Variants in AKR1C3 observed in about 807,000 individuals in gnomAD.
AKR1C3 encodes the protein aldo-keto reductase family 1 member C3.
AKR1C3 carries 48 observed loss-of-function variants against 43.6 expected under a neutral mutation model. The observed-to-expected ratio is 1.10, with a 90% CI of 0.87 to 1.40. The LOEUF is 1.40. AKR1C3 is among the 40% of genes most tolerant of loss of function. AKR1C3 has a pLI of 0.00. For synonymous variants in AKR1C3, 162 were observed against 139.6 expected (o/e 1.16, Z -1.13); for missense variants, 482 against 391.2 (o/e 1.23, Z -1.96).
intron 1 of AKR1C3, among the ~76,000 whole-genome samples, chr10:5,062,383 C>A (rs1554780326): frequency 6.6e-6 from 1 of 152,138 alleles, no homozygotes; most frequent in Non-Finnish European, 1.5e-5. Context: ...TATTTTCATT[C>A]CCTTGATGGT....
chr10:5,102,415 T>C, intron 6 of AKR1C3, 70 bp from the exon 7 acceptor site: 2 of 1,338,430 alleles, frequency 1.5e-6, no homozygotes, highest in Admixed American at 2.1e-5. Flanking sequence ...GATGCCTTAG[T>C]CTGTTTAGGG....
At chr10:5,055,752 G>T (rs1298468010) in intron 1 of AKR1C3, among the ~76,000 whole-genome samples, 1 of 152,176 alleles carries the variant, frequency 6.6e-6, no homozygotes, top group Non-Finnish European at 1.5e-5. Context: ...TTAAGGTTTT[G>T]AAGGCTGTTT....
chr10:5,100,717 A>G (rs1839327342), intron 5 of AKR1C3, among the ~76,000 whole-genome samples: 1 of 152,234 alleles, frequency 6.6e-6, no homozygotes, highest in African/African-American at 2.4e-5. Context: ...ATACAGTTCC[A>G]TCATATCCAA....
intron 1 of AKR1C3, among the ~76,000 whole-genome samples, chr10:5,087,932 G>T (rs1202317392): frequency 6.6e-6 from 1 of 151,824 alleles, no homozygotes; most frequent in Non-Finnish European, 1.5e-5. Flanking sequence ...TGAGTTTGAG[G>T]TCTTTCTATC....
At chr10:5,087,621 C>G (rs1395458102) in intron 1 of AKR1C3, among the ~76,000 whole-genome samples, 1 of 152,026 alleles carries the variant, frequency 6.6e-6, no homozygotes, top group Non-Finnish European at 1.5e-5. Context: ...AGTGACCCTG[C>G]CTCAGCCTCC....
At chr10:5,102,038 C>A in intron 5 of AKR1C3, 63 bp from the exon 6 acceptor site, 1 of 1,066,478 alleles carries the variant, frequency 9.4e-7, no homozygotes, top group Non-Finnish European at 1.4e-6. Context: ...TTACTTTCAT[C>A]TTTTCAATAT....
intron 1 of AKR1C3, among the ~76,000 whole-genome samples, chr10:5,056,602 G>C (rs1838266716): frequency 6.6e-6 from 1 of 152,156 alleles, no homozygotes; most frequent in Non-Finnish European, 1.5e-5. Flanking sequence ...AAGGAAAAGT[G>C]GTGGGATCCT....
chr10:5,057,830 G>C (rs1554779788), intron 1 of AKR1C3, among the ~76,000 whole-genome samples: 1 of 152,178 alleles, frequency 6.6e-6, no homozygotes, highest in Non-Finnish European at 1.5e-5. Context: ...CTCTCGGGCT[G>C]TAGCTAAAGC....
chr10:5,106,505 CTTTGGGAGGCTGAG>C (rs1398581430), intron 8 of AKR1C3, among the ~76,000 whole-genome samples: 2 of 152,058 alleles, frequency 1.3e-5, no homozygotes, highest in Non-Finnish European at 2.9e-5. Flanking sequence ...AATCCCAGCA[CTTTGGGAGGCTGAG>C]GTGGGCAGAT....
At chr10:5,081,396 T>G (rs1363440951) in intron 1 of AKR1C3, among the ~76,000 whole-genome samples, 4 of 152,224 alleles carry the variant, frequency 2.6e-5, no homozygotes, top group Admixed American at 2.6e-4. Context: ...GCCATTGACT[T>G]ATGTGGCCAA....
intron 5 of AKR1C3, among the ~76,000 whole-genome samples, chr10:5,100,908 A>G (rs1035488342): frequency 1.3e-5 from 2 of 151,992 alleles, no homozygotes; most frequent in African/African-American, 4.8e-5. Context: ...ATGTGGGTAT[A>G]TCTGCATAAA....
chr10:5,084,091 A>G (rs1489851825), intron 1 of AKR1C3, among the ~76,000 whole-genome samples: 6 of 152,064 alleles, frequency 3.9e-5, no homozygotes, highest in Non-Finnish European at 5.9e-5. Flanking sequence ...ATTAGGTCCC[A>G]TTTGTCAATT....
chr10:5,097,289 G>C, intron 2 of AKR1C3, 145 bp from the exon 3 acceptor site: 1 of 985,820 alleles, frequency 1.0e-6, no homozygotes, highest in Non-Finnish European at 1.5e-6. Flanking sequence ...CAGAGCCAAA[G>C]GAATCATGAG....
At chr10:5,083,401 A>G (rs1184208488) in intron 1 of AKR1C3, among the ~76,000 whole-genome samples, 2 of 152,218 alleles carry the variant, frequency 1.3e-5, no homozygotes, top group Non-Finnish European at 2.9e-5. Context: ...TAAAAAGGGC[A>G]TGAACTCATC....
At position 5,105,677 on chromosome 10, in the gene AKR1C3, G is replaced by A. The variant is rs141515798; in HGVS notation, c.929G>A (p.Ser310Asn). Residue 310 changes from serine to asparagine, a missense_variant and splice_region_variant, in exon 8 of 9, where the codon AGT (serine) becomes AAT (asparagine). Ser to Asn is a conservative substitution (Grantham distance 46). Coordinates refer to ENST00000380554, the MANE Select transcript of AKR1C3 (RefSeq NM_003739.6). ...AATCTCCACTATTTTAACAGTGATA[G>A]GTAAGTTTCCTTTGTAAATGGGTGA... ...DRNLHYFNSD[S>N]FASHPNYPYS... 1 of 1,610,680 alleles carries A rather than the reference G, an allele frequency of 6.2e-7. No homozygotes were observed.
intron 1 of AKR1C3, among the ~76,000 whole-genome samples, chr10:5,061,297 T>C (rs1554780216): frequency 6.6e-6 from 1 of 152,180 alleles, no homozygotes; most frequent in East Asian, 1.9e-4. Flanking sequence ...GACAGGTATA[T>C]ATCAGTGCAT....
intron 1 of AKR1C3, among the ~76,000 whole-genome samples, chr10:5,061,974 G>C (rs1305514800): frequency 6.6e-6 from 1 of 152,160 alleles, no homozygotes; most frequent in Non-Finnish European, 1.5e-5. Flanking sequence ...TTTGGAAACA[G>C]TGTTTGCAAA....
intron 4 of AKR1C3, 144 bp downstream of exon 4, chr10:5,099,023 GA>G: frequency 1.2e-6 from 1 of 856,112 alleles, no homozygotes; most frequent in Non-Finnish European, 1.8e-6. Context: ...GAGATGAAGG[GA>G]AAAACACAAA....
intron 2 of AKR1C3, 120 bp downstream of exon 2, chr10:5,096,697 ACACATACT>A (rs1240300002): frequency 6.9e-7 from 1 of 1,439,188 alleles, no homozygotes; most frequent in South Asian, 1.6e-5. Flanking sequence ...AAATTTATTC[ACACATACT>A]CACATACTAA....
Sources: allele counts gnomAD v4.1 joint callset (sites outside exome capture counted in the v4.1 genomes callset), GRCh38; gene constraint gnomAD v4.1.1; transcripts MANE v1.5; gene names NCBI Gene and HGNC (gene_info 2026-07-23, HGNC 2026-07-21).